Variants in CCDC102B observed in about 807,000 individuals in gnomAD.
CCDC102B encodes the protein coiled-coil domain containing 102B, also known as coiled-coil domain-containing protein 102B.
CCDC102B carries 75 observed loss-of-function variants against 57.4 expected under a neutral mutation model. The observed-to-expected ratio is 1.31, with a 90% CI of 1.08 to 1.58. The LOEUF (loss-of-function observed/expected upper bound fraction) is 1.58. CCDC102B is among the 40% of genes most tolerant of loss of function. The pLI is 0.00. For missense variants in CCDC102B, 636 were observed against 582.6 expected (o/e 1.09, Z -0.94); for synonymous variants, 206 against 201.9 (o/e 1.02, Z -0.17).
At chr18:68,837,474 G>C (rs1166353610) in intron 2 of CCDC102B, 105 bp downstream of exon 2, 4 of 1,105,600 alleles carry the variant, frequency 3.6e-6, no homozygotes, top group East Asian at 2.4e-5. Flanking sequence ...TAGCCTGCCA[G>C]GGCTACCATA....
intron 2 of CCDC102B, among the ~76,000 whole-genome samples, chr18:68,765,333 G>GA (rs1401666219): frequency 9.2e-5 from 7 of 75,928 alleles, no homozygotes; most frequent in African/African-American, 3.2e-4. Context: ...AGGAAAGAAA[G>GA]AAAGAAAGAA....
At chr18:69,039,000 T>C (rs2052364606) in intron 7 of CCDC102B, among the ~76,000 whole-genome samples, 1 of 152,024 alleles carries the variant, frequency 6.6e-6, no homozygotes, top group African/African-American at 2.4e-5. Context: ...AGCAAAGCCC[T>C]CGCATATTTT....
At chr18:68,852,753 A>C (rs1252179671) in intron 4 of CCDC102B, among the ~76,000 whole-genome samples, 2 of 152,174 alleles carry the variant, frequency 1.3e-5, no homozygotes. Context: ...TGTAGAAAAG[A>C]TATTGTGCTT....
Position 69,054,931 on chromosome 18 carries a change from A to G in CCDC102B, c.*794A>G, listed in dbSNP as rs1472097215. 1 of 985,126 alleles carries G rather than the reference A, an allele frequency of 1.0e-6. No individual in the cohort carries two copies. Among genetic ancestry groups the G allele is most frequent in the Non-Finnish European group, 1.2e-6 (1 of 829,828 alleles). 61.0% of individuals were successfully genotyped at this position (985,126 alleles called of 1,614,324 possible). ...TAGAGAAAATTAGGAAATTGTGGTT[A>G]TGTGAATATTTCTTTAAAACTTTTA... On this transcript the variant is annotated 3_prime_UTR_variant, in exon 8 of 8. Transcript: ENST00000360242.
At chr18:68,809,704 A>G (rs991205720) in intron 1 of CCDC102B, among the ~76,000 whole-genome samples, 3 of 152,210 alleles carry the variant, frequency 2.0e-5, no homozygotes, top group Non-Finnish European at 2.9e-5. Flanking sequence ...TACATCTTCA[A>G]TGCCTAGAAT....
intron 6 of CCDC102B, among the ~76,000 whole-genome samples, chr18:68,969,016 G>GT (rs980419503): frequency 1.3e-5 from 2 of 152,036 alleles, no homozygotes; most frequent in Admixed American, 6.6e-5. Context: ...TACTATTTTT[G>GT]TTTTTTTATT....
At chr18:68,942,317 GGAAA>G (rs1364124701) in intron 6 of CCDC102B, among the ~76,000 whole-genome samples, 2 of 152,172 alleles carry the variant, frequency 1.3e-5, no homozygotes, top group African/African-American at 4.8e-5. Context: ...CTCGTCAGGT[GGAAA>G]GAGAGACTTG....
intron 2 of CCDC102B, among the ~76,000 whole-genome samples, chr18:68,725,078 A>T (rs971195131): frequency 1.3e-5 from 2 of 152,168 alleles, no homozygotes; most frequent in African/African-American, 4.8e-5. Flanking sequence ...GTGAAGAGGG[A>T]AGCCCCTTAT....
intron 2 of CCDC102B, among the ~76,000 whole-genome samples, chr18:68,742,239 G>C (rs1049721053): frequency 2.6e-5 from 4 of 152,146 alleles, no homozygotes; most frequent in African/African-American, 9.7e-5. Context: ...TTGGCTCATA[G>C]AAGCATCACT....
At chr18:68,871,385 G>T (rs4891708) in intron 4 of CCDC102B, among the ~76,000 whole-genome samples, 47,291 of 147,054 alleles carry the variant, frequency 0.32, 7,767 homozygotes, top group South Asian at 0.44. Context: ...GCATCTGTAA[G>T]TCCACTGCTT....
At chr18:68,919,802 G>C (rs2041210213) in intron 6 of CCDC102B, among the ~76,000 whole-genome samples, 1 of 151,032 alleles carries the variant, frequency 6.6e-6, no homozygotes, top group South Asian at 2.1e-4. Flanking sequence ...TCTATTCTAA[G>C]GGAGAGAATG....
intron 7 of CCDC102B, among the ~76,000 whole-genome samples, chr18:69,014,958 TGAGAGA>T (rs748203787): frequency 7.9e-5 from 9 of 114,506 alleles, no homozygotes; most frequent in African/African-American, 2.6e-4. Context: ...TGTATGTGAA[TGAGAGA>T]GAGAGAGAGA....
In CCDC102B at chr18:68,765,313, G is replaced by GAA. The variant is rs1477595619; in HGVS notation, c.-67+48720_-67+48721dup. On this transcript the variant is annotated intron_variant, in intron 2 of 3. Coordinates refer to the CCDC102B transcript ENST00000578970. ...GAAAGAAAGGAAGGAAGGAAGGAAG[G>GAA]AAGGAAGGAAGGAAAGAAAGAAAGA... 5.8e-3 allele frequency among the ~76,000 whole-genome samples: 316 copies of GAA among 54,062 alleles called. 3 individuals are homozygous for GAA. The highest frequency in any genetic ancestry group is 0.01 in the African/African-American group (145 of 13,814). 35.5% of individuals were successfully genotyped at this position (54,062 alleles called of 152,430 possible).
chr18:68,862,856 G>A (rs575068852), intron 4 of CCDC102B, among the ~76,000 whole-genome samples: 9 of 151,966 alleles, frequency 5.9e-5, no homozygotes, highest in African/African-American at 1.4e-4. Context: ...GAACCCCAAC[G>A]TTTCCATCAG....
intron 6 of CCDC102B, among the ~76,000 whole-genome samples, chr18:68,957,138 G>T (rs11151477): frequency 0.25 from 38,435 of 151,794 alleles, 6,183 homozygotes; most frequent in East Asian, 0.56. Context: ...AACTTGATGT[G>T]ATCTCATTTC....
chr18:68,860,579 C>G (rs1639005047), intron 4 of CCDC102B, among the ~76,000 whole-genome samples: 1 of 116,786 alleles, frequency 8.6e-6, no homozygotes, highest in African/African-American at 2.9e-5. Context: ...TCAAATATGC[C>G]TGGCAACTGG....
At chr18:69,036,204 A>G (rs1179702953) in intron 7 of CCDC102B, among the ~76,000 whole-genome samples, 1 of 152,048 alleles carries the variant, frequency 6.6e-6, no homozygotes, top group Non-Finnish European at 1.5e-5. Flanking sequence ...ATTGTGTTAT[A>G]TTTTATTTTT....
intron 6 of CCDC102B, among the ~76,000 whole-genome samples, chr18:68,970,898 C>T (rs2050284871): frequency 6.6e-6 from 1 of 151,820 alleles, no homozygotes; most frequent in Non-Finnish European, 1.5e-5. Context: ...GCATGAGTTT[C>T]ATAATTTGAC....
intron 6 of CCDC102B, among the ~76,000 whole-genome samples, chr18:68,898,786 T>C (rs565564431): frequency 6.6e-6 from 1 of 152,270 alleles, no homozygotes; most frequent in Non-Finnish European, 1.5e-5. Flanking sequence ...TAAAACATTA[T>C]AGTGATTGCT....
Sources: gnomAD v4.1 joint callset for allele counts (sites outside exome capture counted in the v4.1 genomes callset) on GRCh38, gnomAD v4.1.1 for gene constraint, MANE v1.5 for transcripts, NCBI Gene and HGNC (gene_info 2026-07-23, HGNC 2026-07-21) for gene names.